Variants in GTF2I observed in about 807,000 individuals in gnomAD.
The protein encoded by GTF2I is general transcription factor II-I.
A neutral mutation model predicts 67.6 loss-of-function variants in GTF2I; 12 were observed. The observed-to-expected ratio is 0.18, with a 90% confidence interval of 0.11 to 0.29. The LOEUF (loss-of-function observed/expected upper bound fraction) is 0.29, where lower values mean the gene tolerates loss of function less well. Among genes scored for constraint, GTF2I ranks in the 10% least tolerant of loss-of-function variants. GTF2I has a pLI of 1.00. For synonymous variants in GTF2I, 149 were observed against 197.0 expected (o/e 0.76, Z 2.04); for missense variants, 271 against 580.1 (o/e 0.47, Z 5.47).
intron 1 of GTF2I, among the ~76,000 whole-genome samples, chr7:74,665,286 C>T (rs1394466960): frequency 6.6e-6 from 1 of 151,568 alleles, no homozygotes; most frequent in Non-Finnish European, 1.5e-5. Context: ...GTGTCTTGCT[C>T]TGTTACCCAG....
intron 3 of GTF2I, among the ~76,000 whole-genome samples, chr7:74,692,464 C>A (rs782400836): frequency 6.6e-6 from 1 of 152,178 alleles, no homozygotes; most frequent in Non-Finnish European, 1.5e-5. Context: ...AACAGTTCTC[C>A]TCCACTCCCT....
At position 74,715,780 on chromosome 7, in the gene GTF2I, A is replaced by C. The variant is rs138692407; in HGVS notation, c.823+864A>C. 3.4e-3 allele frequency among the ~76,000 whole-genome samples: 522 copies of C among 152,164 alleles called. 10 individuals carry two copies. Among genetic ancestry groups the C allele is most frequent in the Admixed American group, 0.027 (411 of 15,280 alleles). Reference sequence around the variant, plus strand: ...AGTTCAGGTGAGTTTTCACAATATAAAGTAAGTGGAAAAGAATCCCCAGAT... The same window carrying C: ...AGTTCAGGTGAGTTTTCACAATATACAGTAAGTGGAAAAGAATCCCCAGAT... On this transcript the variant is annotated intron_variant, in intron 10 of 34. Coordinates refer to ENST00000573035, the MANE Select transcript of GTF2I (RefSeq NM_032999.4).
rs1554384396 is a variant in GTF2I, at chr7:74,657,944, C to T, written c.-130C>T. 1 of 152,018 alleles carries T rather than the reference C, an allele frequency of 6.6e-6. No individual in the cohort carries two copies. The highest frequency in any genetic ancestry group is 2.4e-5 in the African/African-American group (1 of 41,416). The allele number at this position is 152,018 out of a possible 1,614,324, so 9.4% of individuals were successfully genotyped here. ...ACGGGCCCCTCGCCCCCTCTCGCCT[C>T]CCGTCCGCTCGCCAGCTCCCCTCAG... is the stretch of plus-strand genomic sequence containing the variant. On this transcript the variant is annotated 5_prime_UTR_variant, in exon 1 of 35. Coordinates refer to ENST00000573035, the MANE Select transcript of GTF2I (RefSeq NM_032999.4).
intron 6 of GTF2I, among the ~76,000 whole-genome samples, chr7:74,704,268 T>TTATATTTATTTATTTA (rs369892028): frequency 3.4e-4 from 49 of 144,342 alleles, no homozygotes; most frequent in Middle Eastern, 3.6e-3. Context: ...TAATTATTAT[T>TTATATTTATTTATTTA]TTTATTTATT....
At chr7:74,703,212 T>C (rs1790075860) in intron 6 of GTF2I, among the ~76,000 whole-genome samples, 1 of 152,112 alleles carries the variant, frequency 6.6e-6, no homozygotes, top group South Asian at 2.1e-4. Flanking sequence ...TTTGCAATGG[T>C]GTCACTCTGT....
intron 3 of GTF2I, among the ~76,000 whole-genome samples, chr7:74,697,990 C>A (rs782065994): frequency 6.6e-6 from 1 of 151,942 alleles, no homozygotes; most frequent in Non-Finnish European, 1.5e-5. Flanking sequence ...GAGTCTCACT[C>A]TGTCGCCCAG....
intron 1 of GTF2I, among the ~76,000 whole-genome samples, chr7:74,670,531 T>C (rs1805355516): frequency 6.6e-6 from 1 of 152,008 alleles, no homozygotes; most frequent in Non-Finnish European, 1.5e-5. Flanking sequence ...ACCCCGTCTC[T>C]ACTAAAAATA....
intron 12 of GTF2I, among the ~76,000 whole-genome samples, chr7:74,724,474 G>T (rs1408835214): frequency 6.6e-6 from 1 of 152,178 alleles, no homozygotes; most frequent in Non-Finnish European, 1.5e-5. Flanking sequence ...ATCTTTAGGT[G>T]TATTCGTTAA....
intron 12 of GTF2I, among the ~76,000 whole-genome samples, chr7:74,720,396 A>G (rs1265389848): frequency 6.6e-5 from 10 of 152,198 alleles, no homozygotes; most frequent in African/African-American, 2.4e-4. Context: ...ATTGCTTCTA[A>G]AATATAAGTC....
In GTF2I at chr7:74,691,092, A is replaced by G. The variant is rs143931854; in HGVS notation, c.219A>G (p.Gln73=). The G allele has an allele frequency of 4.3e-4, 695 of 1,607,258 alleles. 1 individual carries two copies. Among genetic ancestry groups the G allele is most frequent in the Middle Eastern group, 2.0e-3 (12 of 6,044 alleles). The change falls in exon 3 of 35, where the codon CAA becomes CAG. Residue 73 remains glutamine (Q), a synonymous_variant. Coordinates refer to ENST00000573035, the MANE Select transcript of GTF2I (RefSeq NM_032999.4). Reference sequence around the variant, plus strand: ...TTGTCAATACCAGAAAGGATTTTCAAAAAGATTTTGTAAAATATTGTAAGC... The same window carrying G: ...TTGTCAATACCAGAAAGGATTTTCAGAAAGATTTTGTAAAATATTGTAAGC... The part of the protein sequence containing the change: ...RAFVNTRKDF[Q]KDFVKYCVEE...
At chr7:74,684,832 G>C (rs587612362) in intron 1 of GTF2I, 1 of 152,368 alleles carries the variant, frequency 6.6e-6, no homozygotes, top group South Asian at 2.1e-4. Flanking sequence ...TACACACATT[G>C]AGTGTGATTG....
chr7:74,661,040 C>G (rs1804439433), intron 1 of GTF2I, among the ~76,000 whole-genome samples: 1 of 152,168 alleles, frequency 6.6e-6, no homozygotes, highest in Non-Finnish European at 1.5e-5. Flanking sequence ...GTCTGTAATT[C>G]TATTCTATAG....
intron 12 of GTF2I, among the ~76,000 whole-genome samples, chr7:74,725,506 G>A (rs1793642235): frequency 6.8e-6 from 1 of 147,712 alleles, no homozygotes; most frequent in Non-Finnish European, 1.5e-5. Flanking sequence ...GGGCAACATA[G>A]GGGGACCCCT....
chr7:74,712,512 G>GTC (rs1791710835), intron 9 of GTF2I, among the ~76,000 whole-genome samples: 1 of 150,054 alleles, frequency 6.7e-6, no homozygotes, highest in South Asian at 2.1e-4. Context: ...GTGTGTGTGT[G>GTC]TGTGTGTGTG....
chr7:74,678,931 C>A (rs1786953986), intron 1 of GTF2I, among the ~76,000 whole-genome samples: 1 of 150,768 alleles, frequency 6.6e-6, no homozygotes, highest in Non-Finnish European at 1.5e-5. Context: ...GCCACCATGC[C>A]TGGCTAATTT....
chr7:74,707,274 G>A (rs1488768101), intron 8 of GTF2I, among the ~76,000 whole-genome samples: 5 of 152,168 alleles, frequency 3.3e-5, no homozygotes, highest in East Asian at 1.9e-4. Context: ...CCCGCTGCTC[G>A]GCCCTGTGCC....
intron 12 of GTF2I, among the ~76,000 whole-genome samples, chr7:74,726,254 A>G (rs1029735284): frequency 6.6e-6 from 1 of 152,192 alleles, no homozygotes; most frequent in African/African-American, 2.4e-5. Context: ...AAGCATTTAT[A>G]ATGCTTTGAC....
At chr7:74,709,178 A>G (rs782755024) in intron 8 of GTF2I, among the ~76,000 whole-genome samples, 4 of 152,226 alleles carry the variant, frequency 2.6e-5, no homozygotes, top group African/African-American at 4.8e-5. Flanking sequence ...AAGGAAGACA[A>G]TAGGCATAGT....
At chr7:74,661,586 A>G (rs1328190244) in intron 1 of GTF2I, among the ~76,000 whole-genome samples, 1 of 152,094 alleles carries the variant, frequency 6.6e-6, no homozygotes, top group African/African-American at 2.4e-5. Flanking sequence ...AGGCTGAGGC[A>G]GGGGGATCTC....
Sources: allele counts gnomAD v4.1 joint callset (sites outside exome capture counted in the v4.1 genomes callset), GRCh38; gene constraint gnomAD v4.1.1; transcripts MANE v1.5; gene names NCBI Gene and HGNC (gene_info 2026-07-23, HGNC 2026-07-21).